The following FOXN3 variants were observed in gnomAD, a reference collection of about 807,000 sequenced individuals.
FOXN3 encodes the protein forkhead box N3.
Under a neutral mutation model 38.4 loss-of-function variants are expected in FOXN3, and 7 were observed. The observed-to-expected ratio is 0.18, with a 90% confidence interval of 0.10 to 0.34. FOXN3 has a LOEUF of 0.34. Among genes scored for constraint, FOXN3 ranks in the 10% least tolerant of loss-of-function variants. The probability of loss-of-function intolerance (pLI) is 1.00; values close to 1 mark genes in which losing one functional copy is unlikely to be tolerated. For synonymous variants in FOXN3, 230 were observed against 242.2 expected (o/e 0.95, Z 0.47); for missense variants, 456 against 613.4 (o/e 0.74, Z 2.71).
intron 2 of FOXN3, among the ~76,000 whole-genome samples, chr14:89,357,518 G>T (rs1566965214): frequency 1.3e-5 from 2 of 151,792 alleles, no homozygotes; most frequent in Non-Finnish European, 2.9e-5. Flanking sequence ...TGAGGCAAGA[G>T]AATCGCTTCA....
At chr14:89,474,879 A>G (rs1893179599) in intron 1 of FOXN3, among the ~76,000 whole-genome samples, 1 of 152,184 alleles carries the variant, frequency 6.6e-6, no homozygotes, top group East Asian at 1.9e-4. Context: ...GCAGTGGCAC[A>G]ATCTCAGCTC....
intron 4 of FOXN3, among the ~76,000 whole-genome samples, chr14:89,272,166 C>A (rs1555414249): frequency 2.0e-5 from 3 of 152,010 alleles, no homozygotes. Flanking sequence ...AAAAAAATTA[C>A]CCGGGTGTGG....
chr14:89,169,625 A>T (rs1887336967), intron 5 of FOXN3, among the ~76,000 whole-genome samples: 1 of 152,146 alleles, frequency 6.6e-6, no homozygotes, highest in African/African-American at 2.4e-5. Flanking sequence ...GGTGGACAGA[A>T]CTGAATTTAA....
chr14:89,610,893 A>T (rs1596332569), intron 1 of FOXN3, among the ~76,000 whole-genome samples: 1 of 152,356 alleles, frequency 6.6e-6, no homozygotes, highest in East Asian at 1.9e-4. Flanking sequence ...ATAATTTCAT[A>T]CATGTGAAAT....
In FOXN3 at chr14:89,294,274, C is replaced by G. The variant is rs1886969464; in HGVS notation, c.681-13260G>C. 2.0e-5 allele frequency among the ~76,000 whole-genome samples: 3 copies of G among 150,864 alleles called. No individual in the cohort carries two copies. The South Asian group carries it at 6.2e-4, about 31-fold the overall frequency. ...AAAGCACAATATCTTCAGGCACAGT[C>G]CCCAGGGCTTGCCAACGTGGAGAGG... On this transcript the variant is annotated intron_variant, in intron 3 of 5. Coordinates refer to ENST00000557258, the MANE Select transcript of FOXN3 (RefSeq NM_005197.4).
intron 4 of FOXN3, among the ~76,000 whole-genome samples, chr14:89,272,494 CAT>C (rs1163387791): frequency 6.6e-6 from 1 of 152,062 alleles, no homozygotes; most frequent in Non-Finnish European, 1.5e-5. Context: ...ATAACAAAGA[CAT>C]ATTATTTTGG....
At chr14:89,411,901 A>T in intron 2 of FOXN3, 33 bp downstream of exon 2, 1 of 1,286,964 alleles carries the variant, frequency 7.8e-7, no homozygotes, top group Non-Finnish European at 1.0e-6. Flanking sequence ...AAAAAAAAAA[A>T]GAAAACCTTG....
chr14:89,240,569 G>A (rs1297768017), intron 4 of FOXN3, among the ~76,000 whole-genome samples: 1 of 152,080 alleles, frequency 6.6e-6, no homozygotes, highest in Non-Finnish European at 1.5e-5. Flanking sequence ...AAAGCTACAT[G>A]ATAAAAAAAA....
rs191666299 is a variant in FOXN3, at chr14:89,595,125, G to A, written c.-15+23903C>T. Among the ~76,000 whole-genome samples the A allele has an allele frequency of 8.8e-3, 1,325 of 151,140 alleles. 14 individuals carry two copies. Among genetic ancestry groups the A allele is most frequent in the African/African-American group, 0.03 (1,240 of 41,030 alleles). On this transcript the variant is annotated intron_variant, in intron 1 of 6. Coordinates refer to the FOXN3 transcript ENST00000345097. ...AGGTCAGGAGATCAAGACCATCCTG[G>A]CTAACATGGTGAAACCCCGTCTCTA...
At chr14:89,184,622 C>T (rs1266602865) in intron 4 of FOXN3, among the ~76,000 whole-genome samples, 1 of 152,222 alleles carries the variant, frequency 6.6e-6, no homozygotes, top group East Asian at 1.9e-4. Context: ...CTCAGTTTGG[C>T]CTTGCCCCGT....
At chr14:89,173,477 G>A (rs575107714) in intron 5 of FOXN3, among the ~76,000 whole-genome samples, 2 of 152,286 alleles carry the variant, frequency 1.3e-5, no homozygotes, top group East Asian at 3.9e-4. Flanking sequence ...ATGAATCTGA[G>A]ACATGTATAA....
chr14:89,374,579 T>C (rs890174668), intron 2 of FOXN3, among the ~76,000 whole-genome samples: 2 of 152,166 alleles, frequency 1.3e-5, no homozygotes, highest in African/African-American at 4.8e-5. Flanking sequence ...TAAAATGGAA[T>C]ACTACTCAAC....
intron 4 of FOXN3, among the ~76,000 whole-genome samples, chr14:89,205,436 A>C (rs780030167): frequency 1.3e-5 from 2 of 152,200 alleles, no homozygotes; most frequent in East Asian, 1.9e-4. Context: ...TTTCATGCCC[A>C]AAAAGTTGCC....
intron 3 of FOXN3, among the ~76,000 whole-genome samples, chr14:89,297,775 C>T (rs966230574): frequency 2.0e-5 from 3 of 152,000 alleles, no homozygotes; most frequent in Non-Finnish European, 2.9e-5. Context: ...GCTAGGAGTT[C>T]GAGACCAGCC....
intron 1 of FOXN3, among the ~76,000 whole-genome samples, chr14:89,532,615 G>A (rs1209770063): frequency 6.6e-6 from 1 of 152,158 alleles, no homozygotes; most frequent in Non-Finnish European, 1.5e-5. Flanking sequence ...CTGATTTACT[G>A]TGGCAAAACA....
At chr14:89,247,733 T>C (rs1885338212) in intron 4 of FOXN3, among the ~76,000 whole-genome samples, 1 of 152,230 alleles carries the variant, frequency 6.6e-6, no homozygotes, top group Non-Finnish European at 1.5e-5. Flanking sequence ...CAGAGTCATC[T>C]TTATAAAAAG....
At chr14:89,604,206 AACAC>A (rs58288291) in intron 1 of FOXN3, among the ~76,000 whole-genome samples, 11,268 of 146,764 alleles carry the variant, frequency 0.077, 604 homozygotes, top group African/African-American at 0.16. Context: ...AGCAAAACAA[AACAC>A]ACACACACAC....
chr14:89,515,395 G>A (rs41319549), intron 1 of FOXN3, among the ~76,000 whole-genome samples: 14,524 of 152,168 alleles, frequency 0.095, 831 homozygotes, highest in African/African-American at 0.16. Flanking sequence ...CTGCAATACA[G>A]TTAAGACCAT....
chr14:89,190,716 C>T (rs1887919930), intron 4 of FOXN3, among the ~76,000 whole-genome samples: 1 of 152,172 alleles, frequency 6.6e-6, no homozygotes, highest in East Asian at 1.9e-4. Context: ...ATAATTTGCA[C>T]TGTATGTTCC....
Sources: allele counts gnomAD v4.1 joint callset (sites outside exome capture counted in the v4.1 genomes callset), GRCh38; gene constraint gnomAD v4.1.1; transcripts MANE v1.5; gene names NCBI Gene and HGNC (gene_info 2026-07-23, HGNC 2026-07-21).